SPG7: variants seen among roughly 807,000 people sequenced by gnomAD.
The protein encoded by SPG7 is SPG7 matrix AAA peptidase subunit, paraplegin.
SPG7 carries 103 observed loss-of-function variants against 81.9 expected under a neutral mutation model. The ratio of observed to expected loss-of-function variants is 1.26; its 90% CI spans 1.07 to 1.48. The LOEUF is 1.48. Ranked by LOEUF, SPG7 falls within the 40% of genes most tolerant of loss-of-function variation. The pLI is 0.00. For synonymous variants in SPG7, 534 were observed against 444.2 expected, an observed-to-expected ratio of 1.20 and a Z score of -2.54; for missense variants, 1,241 against 1,087.3, an observed-to-expected ratio of 1.14 and a Z score of -1.99.
At chr16:89,508,720 C>A in intron 1 of SPG7, 120 bp downstream of exon 1, 2 of 1,030,898 alleles carry the variant, frequency 1.9e-6, no homozygotes, top group Non-Finnish European at 2.9e-6. Context: ...CGCCTGTGGG[C>A]CCGCGGATCC....
intron 9 of SPG7, chr16:89,542,891 C>G (rs982783773): frequency 2.0e-5 from 3 of 150,036 alleles, no homozygotes; most frequent in Non-Finnish European, 4.4e-5. Context: ...GGGTTTCTTA[C>G]ATTAGTCACG....
In SPG7 at chr16:89,532,005, C is replaced by G. The variant is rs1327333275; in HGVS notation, c.1089C>G (p.Ala363=). 1.2e-6 allele frequency: 2 copies of G among 1,613,746 alleles called. No individual in the cohort carries two copies. The highest frequency in any genetic ancestry group is 1.3e-5 in the African/African-American group (1 of 74,924). ...CGKTLLAKAV[A]TEAQVPFLAM... ...AGACGCTGCTGGCCAAGGCGGTGGC[C>G]ACGGAGGCTCAGGTGCCCTTCCTGG... The change falls in exon 8 of 17, where the codon GCC becomes GCG. Residue 363 remains alanine (A), a synonymous_variant. Coordinates refer to ENST00000645818, the MANE Select transcript of SPG7 (RefSeq NM_003119.4).
At chr16:89,513,238 C>G (rs890404020) in intron 3 of SPG7, among the ~76,000 whole-genome samples, 1 of 152,116 alleles carries the variant, frequency 6.6e-6, no homozygotes, top group Non-Finnish European at 1.5e-5. Context: ...GACCCTGTCT[C>G]ACTGCAAATT....
rs532031566 is a variant in SPG7 at position 89,550,678 on chromosome 16, G to A, written c.1779+69G>A. The A allele has an allele frequency of 1.3e-3, 1,312 of 1,042,322 alleles. 3 individuals carry two copies. The highest frequency in any genetic ancestry group is 8.3e-4 in the Non-Finnish European group (561 of 674,532). The allele number at this position is 1,042,322 out of a possible 1,614,324, so 64.6% of individuals were successfully genotyped here. On this transcript the variant is annotated intron_variant, in intron 13 of 16. Transcript: ENST00000645818. ...TGGGTGGGGAGTCCCGCCTGTGTCT[G>A]TAGCTGACTGGGGAGTCCCGCCTGT...
At chr16:89,542,659 TAGTG>T (rs2058510234) in intron 9 of SPG7, among the ~76,000 whole-genome samples, 1 of 152,154 alleles carries the variant, frequency 6.6e-6, no homozygotes, top group Non-Finnish European at 1.5e-5. Flanking sequence ...GGCTACGGCT[TAGTG>T]AGGCTCAGGA....
In SPG7 at chr16:89,508,548, T is replaced by C; in HGVS notation, c.131T>C (p.Met44Thr). 9.9e-6 allele frequency: 15 copies of C among 1,508,994 alleles called. No individual in the cohort carries two copies. The highest frequency in any genetic ancestry group is 1.3e-5 in the Non-Finnish European group (15 of 1,134,308). 93.5% of individuals were successfully genotyped at this position (1,508,994 alleles called of 1,614,324 possible). A position where few individuals can be genotyped will look rare whatever the true frequency, so the allele number is the denominator to read the frequency against. The change falls in exon 1 of 17, where the codon ATG becomes ACG. Residue 44 changes from methionine (M) to threonine (T), a missense_variant. Coordinates refer to ENST00000645818, the MANE Select transcript of SPG7 (RefSeq NM_003119.4). ...AGGCCCGGGAGGGGGCGGCCGTACA[T>C]GGCCAGCAGGCCTCCGGGGGACCTC... ...PARPGRGRPYMASRPPGDLAE... is the reference protein window; with the variant it reads ...PARPGRGRPYTASRPPGDLAE...
At chr16:89,514,666 A>G (rs1157752383) in intron 3 of SPG7, 1 of 147,536 alleles carries the variant, frequency 6.8e-6, no homozygotes, top group Non-Finnish European at 1.5e-5. Flanking sequence ...GCACCCGGCT[A>G]ATTTTTTTGT....
chr16:89,509,786 C>CTTTTTT (rs34140158), intron 1 of SPG7, among the ~76,000 whole-genome samples: 5 of 95,130 alleles, frequency 5.3e-5, no homozygotes, highest in African/African-American at 1.2e-4. Flanking sequence ...TTGTTTTCTT[C>CTTTTTT]TTTTTTTTTT....
At position 89,544,804 on chromosome 16, in the gene SPG7, C is replaced by T. The variant is rs775149256; in HGVS notation, c.1449+32C>T. On this transcript the variant is annotated intron_variant, in intron 10 of 16. Coordinates refer to ENST00000645818, the MANE Select transcript of SPG7 (RefSeq NM_003119.4). Reference sequence around the variant, plus strand: ...GCCAGGATCCCAGCCTCTCCCACTCCACCTGGGCCGCCCCCACTCGCTCTG... The same window carrying T: ...GCCAGGATCCCAGCCTCTCCCACTCTACCTGGGCCGCCCCCACTCGCTCTG... The T allele has an allele frequency of 2.5e-6, 4 of 1,613,014 alleles. No individual in the cohort carries two copies. The African/African-American group carries it at 5.3e-5, about 22-fold the overall frequency.
Position 89,529,296 on chromosome 16 carries a change from G to A in SPG7, c.759-181G>A, listed in dbSNP as rs186096813. ...TGGGAAGCTTTCATGAAAAAGCACA[G>A]TCAGCGAGAATGAGACGAGAGAACC... On this transcript the variant is annotated intron_variant, in intron 5 of 16. Transcript: ENST00000645818. 2,414 of 640,330 alleles carry A rather than the reference G, an allele frequency of 3.8e-3. 4 individuals are homozygous for A. Among genetic ancestry groups the A allele is most frequent in the Non-Finnish European group, 5.5e-3 (1,950 of 352,632 alleles). 39.7% of individuals were successfully genotyped at this position (640,330 alleles called of 1,614,324 possible).
At chr16:89,531,252 A>G (rs1216425506) in intron 7 of SPG7, 1 of 321,642 alleles carries the variant, frequency 3.1e-6, no homozygotes, top group Non-Finnish European at 6.1e-6. Flanking sequence ...GGCCTGGTAC[A>G]GTGGGTCACG....
rs1412575396 is a variant in SPG7, at chr16:89,529,580, G to T, written c.861+1G>T. On this transcript the variant is annotated splice_donor_variant, in intron 6 of 16. Transcript: ENST00000645818. LOFTEE classifies it high-confidence loss of function. The stretch of plus-strand genomic sequence containing the variant: ...AAGGGAAGGTGGATTCAGTGCTTTT[G>T]TAAGTTCTGTAAATCAGAGCTCTCT... 2 of 1,600,338 alleles carry T rather than the reference G, an allele frequency of 1.2e-6. No individual in the cohort carries two copies. The highest frequency in any genetic ancestry group is 1.7e-6 in the Non-Finnish European group (2 of 1,167,680).
chr16:89,524,257 G>T lies in SPG7; in HGVS notation c.618+10G>T. On this transcript the variant is annotated intron_variant, in intron 4 of 16. Transcript: ENST00000645818. Reference sequence around the variant, plus strand: ...GGTGTTTGGGCGGCCTGTGAGTGAGGGTGCGGGAGGCCTGTGAGTGAGGGT... The same window carrying T: ...GGTGTTTGGGCGGCCTGTGAGTGAGTGTGCGGGAGGCCTGTGAGTGAGGGT... The T allele has an allele frequency of 6.2e-7, 1 of 1,604,898 alleles. No homozygotes were observed. The highest frequency in any genetic ancestry group is 8.5e-7 in the Non-Finnish European group (1 of 1,175,568).
chr16:89,531,375 A>T (rs1022519796), intron 7 of SPG7: 1 of 182,852 alleles, frequency 5.5e-6, no homozygotes, highest in African/African-American at 2.4e-5. Flanking sequence ...TTTTTTATTT[A>T]ATTAATTTTT....
intron 16 of SPG7, 54 bp downstream of exon 16, chr16:89,554,617 A>G (rs2058668778): frequency 8.2e-7 from 1 of 1,224,976 alleles, no homozygotes; most frequent in South Asian, 1.2e-5. Context: ...TCCACACAGC[A>G]CCCACGGTCC....
chr16:89,553,113 G>A lies in SPG7; in HGVS notation c.1914G>A (p.Leu638=). The A allele has an allele frequency of 1.2e-6, 2 of 1,610,748 alleles. No individual in the cohort carries two copies. The highest frequency in any genetic ancestry group is 1.1e-5 in the South Asian group (1 of 90,448). The change falls in exon 14 of 17, where the codon CTG becomes CTA. Residue 638 remains leucine, a synonymous_variant. Transcript: ENST00000645818. Reference sequence around the variant, plus strand: ...TGGGAGGACGGGCCTCGGAAGCACTGTCCTTCAACGAGGTCACTTCTGGTG... The same window carrying A: ...TGGGAGGACGGGCCTCGGAAGCACTATCCTTCAACGAGGTCACTTCTGGTG... The part of the protein sequence containing the change: ...MALGGRASEA[L]SFNEVTSGAQ...
At chr16:89,524,549 T>C (rs901366084) in intron 4 of SPG7, among the ~76,000 whole-genome samples, 3 of 152,220 alleles carry the variant, frequency 2.0e-5, no homozygotes, top group African/African-American at 4.8e-5. Flanking sequence ...GTTCAAGGGA[T>C]TCTCCTGGCT....
At chr16:89,549,310 T>C (rs1297590221) in intron 12 of SPG7, 2 of 436,484 alleles carry the variant, frequency 4.6e-6, no homozygotes, top group Non-Finnish European at 9.3e-6. Flanking sequence ...GTGTGGAAAA[T>C]CTGAGACAGG....
At chr16:89,553,274 T>C in intron 14 of SPG7, 139 bp downstream of exon 14, 1 of 986,372 alleles carries the variant, frequency 1.0e-6, no homozygotes, top group South Asian at 1.4e-5. Context: ...AAAGATAAGT[T>C]GTGGTCATAA....
Sources: allele counts gnomAD v4.1 joint callset (sites outside exome capture counted in the v4.1 genomes callset), GRCh38; gene constraint gnomAD v4.1.1; transcripts MANE v1.5; gene names NCBI Gene and HGNC (gene_info 2026-07-23, HGNC 2026-07-21).